The following JADE1 variants were observed in gnomAD, a reference collection of about 807,000 sequenced individuals.
JADE1 encodes protein Jade-1.
In JADE1, 14 loss-of-function variants were observed where a neutral mutation model predicts 81.8. The observed-to-expected ratio is 0.17, with a 90% CI of 0.11 to 0.27. The LOEUF (loss-of-function observed/expected upper bound fraction) is 0.27, where lower values mean the gene tolerates loss of function less well. Among genes scored for constraint, JADE1 ranks in the 10% least tolerant of loss-of-function variants. The pLI is 1.00. For synonymous variants in JADE1, 353 were observed against 391.9 expected, an observed-to-expected ratio of 0.90 and a Z score of 1.17; for missense variants, 690 against 1,047.9, an observed-to-expected ratio of 0.66 and a Z score of 4.71.
chr4:128,869,736 A>G (rs1301921444), intron 10 of JADE1, among the ~76,000 whole-genome samples: 1 of 152,220 alleles, frequency 6.6e-6, no homozygotes, highest in Non-Finnish European at 1.5e-5. Context: ...AGAAAAGGAA[A>G]ACAAATCTTC....
intron 1 of JADE1, chr4:128,827,837 T>C: frequency 6.1e-6 from 6 of 982,424 alleles, no homozygotes; most frequent in Non-Finnish European, 7.3e-6. Context: ...ACCTTGGCAA[T>C]TGGCTATAAG....
chr4:128,814,676 C>G (rs1726834275), intron 1 of JADE1, among the ~76,000 whole-genome samples: 2 of 151,736 alleles, frequency 1.3e-5, no homozygotes, highest in South Asian at 4.1e-4. Context: ...ATTCTCCTGC[C>G]TCAGCCTCCT....
intron 9 of JADE1, chr4:128,864,715 T>A: frequency 2.0e-6 from 1 of 507,972 alleles, no homozygotes; most frequent in Non-Finnish European, 2.5e-6. Flanking sequence ...ATTTAATACC[T>A]GTGACTACAA....
intron 1 of JADE1, among the ~76,000 whole-genome samples, chr4:128,822,698 A>G (rs1273582633): frequency 6.6e-6 from 1 of 152,178 alleles, no homozygotes; most frequent in Non-Finnish European, 1.5e-5. Flanking sequence ...CAGCCTGGGC[A>G]ACAAGAGTGA....
intron 1 of JADE1, among the ~76,000 whole-genome samples, chr4:128,827,452 G>T (rs745841751): frequency 3.3e-5 from 5 of 152,216 alleles, no homozygotes; most frequent in Non-Finnish European, 5.9e-5. Context: ...AGCAGCATTA[G>T]CAGAGAATGA....
intron 4 of JADE1, among the ~76,000 whole-genome samples, chr4:128,847,783 A>G (rs1186535602): frequency 2.6e-5 from 4 of 152,314 alleles, no homozygotes; most frequent in Non-Finnish European, 4.4e-5. Context: ...CAGTTTGTCC[A>G]TGTCAGTGTC....
chr4:128,825,932 G>A (rs1040877880), intron 1 of JADE1, among the ~76,000 whole-genome samples: 1 of 152,214 alleles, frequency 6.6e-6, no homozygotes, highest in African/African-American at 2.4e-5. Context: ...GCATCTCTTC[G>A]TGCAGTGAGT....
Position 128,818,970 on chromosome 4 carries a change from C to T in JADE1, c.-27+9093C>T, listed in dbSNP as rs1727301432. Among the ~76,000 whole-genome samples, 4 of 152,026 alleles carry T rather than the reference C, an allele frequency of 2.6e-5. No individual in the cohort carries two copies. The South Asian group carries it at 8.3e-4, about 32-fold the overall frequency. On this transcript the variant is annotated intron_variant, in intron 1 of 10. Coordinates refer to ENST00000226319, the MANE Select transcript of JADE1 (RefSeq NM_199320.4). ...TCAGCCTCCCCAGTAGCTGGGACTG[C>T]AGGCATCCCACACCAGGCCTGGCTA...
At chr4:128,812,835 A>G (rs1726602901) in intron 1 of JADE1, among the ~76,000 whole-genome samples, 1 of 152,232 alleles carries the variant, frequency 6.6e-6, no homozygotes, top group African/African-American at 2.4e-5. Flanking sequence ...GCCCCGGCCA[A>G]GAGGGAATTT....
intron 7 of JADE1, among the ~76,000 whole-genome samples, chr4:128,856,855 C>A (rs1022488977): frequency 6.6e-6 from 1 of 152,024 alleles, no homozygotes; most frequent in African/African-American, 2.4e-5. Flanking sequence ...AGAGATGATA[C>A]CTTATTTATC....
intron 1 of JADE1, chr4:128,810,450 GTTTTTTTTTTTTT>G (rs397880705): frequency 1.9e-4 from 22 of 113,928 alleles, no homozygotes; most frequent in African/African-American, 5.8e-4. Flanking sequence ...TAGTTTATAG[GTTTTTTTTTTTTT>G]TTTTTTTTTT....
At chr4:128,829,028 C>T (rs548748226) in intron 1 of JADE1, among the ~76,000 whole-genome samples, 2 of 152,206 alleles carry the variant, frequency 1.3e-5, no homozygotes, top group Admixed American at 6.5e-5. Flanking sequence ...TTCTGCCTTT[C>T]CCTTTTCCCT....
At chr4:128,836,395 A>G (rs1211911021) in intron 2 of JADE1, among the ~76,000 whole-genome samples, 2 of 152,102 alleles carry the variant, frequency 1.3e-5, no homozygotes, top group African/African-American at 4.8e-5. Flanking sequence ...GAGGAAATAT[A>G]TATGTATATA....
At chr4:128,869,586 A>G (rs1732037470) in intron 10 of JADE1, among the ~76,000 whole-genome samples, 1 of 152,212 alleles carries the variant, frequency 6.6e-6, no homozygotes, top group South Asian at 2.1e-4. Context: ...GTTATTTCTC[A>G]TGGATATTGC....
At position 128,867,990 on chromosome 4, in the gene JADE1, G is replaced by T. The variant is rs767390193; in HGVS notation, c.1621+17G>T. ...GAGTTTCAGGTATGCATTAAGCCCT[G>T]GTAGGTCAAAGTATAGGGCAGGGGT... On this transcript the variant is annotated intron_variant, in intron 10 of 10. Transcript: ENST00000226319. 6.9e-7 allele frequency: 1 copy of T among 1,444,722 alleles called. No homozygotes were observed. Among genetic ancestry groups the T allele is most frequent in the Middle Eastern group, 1.8e-4 (1 of 5,690 alleles). The allele number at this position is 1,444,722 out of a possible 1,614,324, so 89.5% of individuals were successfully genotyped here. A position where few individuals can be genotyped will look rare whatever the true frequency, so the allele number is the denominator to read the frequency against.
intron 2 of JADE1, among the ~76,000 whole-genome samples, chr4:128,838,622 A>G (rs887771280): frequency 3.9e-5 from 6 of 152,346 alleles, no homozygotes; most frequent in South Asian, 2.1e-4. Context: ...GCTGTAGTAT[A>G]AATCACTGAC....
At chr4:128,838,562 G>A (rs1319888925) in intron 2 of JADE1, among the ~76,000 whole-genome samples, 1 of 152,078 alleles carries the variant, frequency 6.6e-6, no homozygotes, top group Non-Finnish European at 1.5e-5. Flanking sequence ...CTTACCACGC[G>A]GTTTTTAACA....
At chr4:128,857,311 C>G in intron 7 of JADE1, 27 bp from the exon 8 acceptor site, 1 of 1,570,966 alleles carries the variant, frequency 6.4e-7, no homozygotes. Context: ...CCTGAGCCAC[C>G]CTGTCTTGCT....
In JADE1 at chr4:128,871,618, A is replaced by G; in HGVS notation, c.1885A>G (p.Ser629Gly). 1 of 1,614,196 alleles carries G rather than the reference A, an allele frequency of 6.2e-7. No individual in the cohort carries two copies. The highest frequency in any genetic ancestry group is 8.5e-7 in the Non-Finnish European group (1 of 1,180,034). Residue 629 changes from serine to glycine, a missense_variant, in exon 11 of 11, where the codon AGC becomes GGC. Ser to Gly is a moderately conservative substitution (Grantham distance 56). This residue lies in a region of JADE1 where 218 missense variants were observed against 274.3 expected (regional missense o/e 0.79). Transcript: ENST00000226319. The surrounding 1 kb of genome is among the most constrained non-coding windows in gnomAD (Gnocchi z 4.1). Reference protein sequence around the residue: ...GRREGMVVPESFLGLEKTFAE... With the variant: ...GRREGMVVPEGFLGLEKTFAE... Reference sequence around the variant, plus strand: ...AAGGGAGGGGATGGTGGTCCCAGAGAGCTTTTTGGGTTTAGAAAAGACCTT... The same window carrying G: ...AAGGGAGGGGATGGTGGTCCCAGAGGGCTTTTTGGGTTTAGAAAAGACCTT...
Sources: gnomAD v4.1 joint callset for allele counts (sites outside exome capture counted in the v4.1 genomes callset) on GRCh38, gnomAD v4.1.1 for gene constraint, gnomAD v4.1.1 regional missense constraint, Gnocchi (gnomAD v3.1) non-coding constraint, MANE v1.5 for transcripts, NCBI Gene and HGNC (gene_info 2026-07-23, HGNC 2026-07-21) for gene names.